FSTL4: variants seen among roughly 807,000 people sequenced by gnomAD.
FSTL4 encodes the protein follistatin-related protein 4.
Under a neutral mutation model 78.2 loss-of-function variants are expected in FSTL4, and 28 were observed. That is an observed-to-expected ratio of 0.36 (90% CI 0.27 to 0.49). FSTL4 has a LOEUF of 0.49. Ranked by LOEUF, FSTL4 falls within the 20% of genes least tolerant of loss-of-function variation. The pLI is 0.98. For missense variants in FSTL4, 922 were observed against 1,084.9 expected (o/e 0.85, Z 2.11); for synonymous variants, 422 against 440.5 (o/e 0.96, Z 0.53).
At chr5:133,403,200 C>T (rs1307504821) in intron 3 of FSTL4, among the ~76,000 whole-genome samples, 3 of 152,232 alleles carry the variant, frequency 2.0e-5, no homozygotes, top group African/African-American at 4.8e-5. Context: ...TAATAACCTT[C>T]CCATGCAGAT....
rs373762777 is a variant in FSTL4, at chr5:133,449,677, G to A, written c.161-48691C>T. 2.2e-4 allele frequency among the ~76,000 whole-genome samples: 33 copies of A among 152,302 alleles called. No individual in the cohort carries two copies. The South Asian group carries it at 6.4e-3, about 30-fold the overall frequency. ...GAGGGGTGAGGTCTGCGTCCCTCCCGTGTTTCAAGGTCCATCACAGCAGTT... is the reference window on the plus strand; with the variant it reads ...GAGGGGTGAGGTCTGCGTCCCTCCCATGTTTCAAGGTCCATCACAGCAGTT... On this transcript the variant is annotated intron_variant, in intron 3 of 15. Transcript: ENST00000265342.
chr5:133,623,735 A>G, the FSTL4 span, among the ~76,000 whole-genome samples: 4 of 152,068 alleles, frequency 2.6e-5, no homozygotes, highest in East Asian at 3.8e-4. Context: ...AAATATTTGC[A>G]TATATATCTG....
At chr5:133,658,816 T>C in the FSTL4 span, among the ~76,000 whole-genome samples, 1 of 152,194 alleles carries the variant, frequency 6.6e-6, no homozygotes, top group African/African-American at 2.4e-5. Context: ...ATTTAGCATG[T>C]GCTGCTTTCA....
intron 4 of FSTL4, among the ~76,000 whole-genome samples, chr5:133,343,157 T>A (rs924739580): frequency 6.6e-6 from 1 of 152,176 alleles, no homozygotes; most frequent in Non-Finnish European, 1.5e-5. Context: ...ACTTTTTTAT[T>A]TCAGTTAGCA....
chr5:133,702,876 G>T, the FSTL4 span, among the ~76,000 whole-genome samples: 1 of 152,128 alleles, frequency 6.6e-6, no homozygotes, highest in Non-Finnish European at 1.5e-5. Context: ...CAGGTGCCAG[G>T]CACACAGCTG....
the FSTL4 span, among the ~76,000 whole-genome samples, chr5:133,737,311 C>T: frequency 2.0e-5 from 3 of 149,468 alleles, no homozygotes; most frequent in Admixed American, 2.0e-4. Flanking sequence ...TCCATGAATT[C>T]AATTGTTTTG....
At chr5:133,639,649 G>A in the FSTL4 span, among the ~76,000 whole-genome samples, 3 of 152,194 alleles carry the variant, frequency 2.0e-5, no homozygotes, top group South Asian at 6.2e-4. Context: ...GGCCATCTGT[G>A]GAAGCCCCAT....
chr5:133,440,085 T>C lies in FSTL4; in HGVS notation c.161-39099A>G, dbSNP rs1445249009. On this transcript the variant is annotated intron_variant, in intron 3 of 15. Coordinates refer to ENST00000265342, the MANE Select transcript of FSTL4 (RefSeq NM_015082.2). This position sits in a 1 kb window ranked among gnomAD's most constrained non-coding sequence, Gnocchi z 4.1. ...GGGTCGGGAGGAAGGAAAGGAAGAG[T>C]CACCCTGGAGCACAAGCCCTGGCTG... 2.0e-5 allele frequency among the ~76,000 whole-genome samples: 3 copies of C among 151,272 alleles called. No homozygotes were observed. The highest frequency in any genetic ancestry group is 4.4e-5 in the Non-Finnish European group (3 of 67,838).
chr5:133,737,602 C>CTTT, the FSTL4 span, among the ~76,000 whole-genome samples: 50 of 117,626 alleles, frequency 4.3e-4, 2 homozygotes, highest in Admixed American at 5.6e-4. Flanking sequence ...GGCTGATTTC[C>CTTT]TTTTTTTTTT....
the FSTL4 span, among the ~76,000 whole-genome samples, chr5:133,672,812 G>A: frequency 3.3e-5 from 5 of 152,188 alleles, no homozygotes; most frequent in Admixed American, 3.3e-4. Flanking sequence ...CAGGAAATCT[G>A]AGACAGATTT....
At chr5:133,230,237 C>T (rs1451324353) in intron 8 of FSTL4, among the ~76,000 whole-genome samples, 3 of 152,204 alleles carry the variant, frequency 2.0e-5, no homozygotes, top group Admixed American at 6.5e-5. Flanking sequence ...GTCGGGGGAG[C>T]CTGGTAAAGC....
At chr5:133,251,353 G>A (rs745907748) in intron 6 of FSTL4, among the ~76,000 whole-genome samples, 13 of 152,126 alleles carry the variant, frequency 8.5e-5, no homozygotes, top group Non-Finnish European at 1.5e-4. Context: ...GCTTTGTGCC[G>A]CTGCTCCTGC....
At chr5:133,290,895 T>C (rs921771447) in intron 6 of FSTL4, among the ~76,000 whole-genome samples, 1 of 152,222 alleles carries the variant, frequency 6.6e-6, no homozygotes, top group African/African-American at 2.4e-5. Context: ...ACAATACAGC[T>C]GAATGCTGGC....
the FSTL4 span, among the ~76,000 whole-genome samples, chr5:133,698,050 T>A: frequency 6.6e-6 from 1 of 152,194 alleles, no homozygotes; most frequent in African/African-American, 2.4e-5. Flanking sequence ...CATGAGGATT[T>A]ATTAAGCATC....
chr5:133,459,750 A>G (rs964227671), intron 3 of FSTL4, among the ~76,000 whole-genome samples: 1 of 137,862 alleles, frequency 7.3e-6, no homozygotes, highest in African/African-American at 2.5e-5. Context: ...ATAAGCGTCA[A>G]CTCAGGCTTT....
chr5:133,689,100 T>A, the FSTL4 span, among the ~76,000 whole-genome samples: 1 of 152,116 alleles, frequency 6.6e-6, no homozygotes, highest in East Asian at 1.9e-4. Flanking sequence ...GTCCTCAGTG[T>A]TTTCCCCTGC....
chr5:133,577,574 A>T (rs922170393), intron 2 of FSTL4, among the ~76,000 whole-genome samples: 14 of 152,214 alleles, frequency 9.2e-5, no homozygotes, highest in African/African-American at 3.4e-4. Flanking sequence ...CCTGCCTAGG[A>T]GTTGCCCAAT....
the FSTL4 span, among the ~76,000 whole-genome samples, chr5:133,664,322 A>T: frequency 2.1e-3 from 323 of 151,524 alleles, 4 homozygotes; most frequent in South Asian, 6.1e-3. Context: ...TTTTTTTTTA[A>T]AAAAAATTCC....
chr5:133,534,047 T>C (rs970744203), intron 3 of FSTL4, among the ~76,000 whole-genome samples: 2 of 152,132 alleles, frequency 1.3e-5, no homozygotes, highest in Non-Finnish European at 2.9e-5. Context: ...CAGAATTATC[T>C]GAGACTAATT....
Sources: allele counts gnomAD v4.1 joint callset (sites outside exome capture counted in the v4.1 genomes callset), GRCh38; gene constraint gnomAD v4.1.1; non-coding constraint Gnocchi (gnomAD v3.1); transcripts MANE v1.5; gene names NCBI Gene and HGNC (gene_info 2026-07-23, HGNC 2026-07-21).